Variants in AIMP1 observed in about 807,000 individuals in gnomAD.
AIMP1 encodes aminoacyl tRNA synthase complex-interacting multifunctional protein 1.
A neutral mutation model predicts 33.1 loss-of-function variants in AIMP1; 24 were observed. The observed-to-expected ratio is 0.73, with a 90% CI of 0.53 to 1.02. The LOEUF (loss-of-function observed/expected upper bound fraction) is 1.02, where lower values mean the gene tolerates loss of function less well. Among genes scored for constraint, AIMP1 ranks in the 50% least tolerant of loss-of-function variants. The probability of loss-of-function intolerance (pLI) is 0.00; values close to 1 mark genes in which losing one functional copy is unlikely to be tolerated. For missense variants in AIMP1, 367 were observed against 364.8 expected, an observed-to-expected ratio of 1.01 and a Z score of -0.05; for synonymous variants, 120 against 121.5, an observed-to-expected ratio of 0.99 and a Z score of 0.08.
chr4:106,316,267 G>C, upstream of AIMP1: 1 of 355,796 alleles, frequency 2.8e-6, no homozygotes, highest in Non-Finnish European at 5.2e-6. Flanking sequence ...ACCCAACGCT[G>C]AGGAAAGACC....
intron 1 of AIMP1, among the ~76,000 whole-genome samples, chr4:106,317,926 G>A (rs1051849192): frequency 3.9e-5 from 6 of 152,206 alleles, no homozygotes; most frequent in African/African-American, 1.4e-4. Flanking sequence ...GAGGTAAGAG[G>A]GTCATGGGAG....
In AIMP1 at chr4:106,331,945, G is replaced by A; in HGVS notation, c.603+62G>A. On this transcript the variant is annotated intron_variant, in intron 5 of 6. Transcript: ENST00000672341. ...CAACATTTTCATTCCCTCCTTCTTG[G>A]TATCTTTCCATTATAATTTTGTATA... The A allele has an allele frequency of 2.1e-6, 3 of 1,449,416 alleles. No individual in the cohort carries two copies. The Admixed American group carries it at 5.0e-5, about 24-fold the overall frequency. The allele number at this position is 1,449,416 out of a possible 1,614,324, so 89.8% of individuals were successfully genotyped here.
At chr4:106,331,358 G>A (rs1192692763) in intron 4 of AIMP1, among the ~76,000 whole-genome samples, 1 of 152,152 alleles carries the variant, frequency 6.6e-6, no homozygotes, top group Non-Finnish European at 1.5e-5. Context: ...GTAAATGAAT[G>A]AATATGGTTG....
At chr4:106,331,531 ATTAT>A (rs1769675238) in intron 4 of AIMP1, 137 bp from the exon 5 acceptor site, 8 of 694,186 alleles carry the variant, frequency 1.2e-5, no homozygotes, top group Non-Finnish European at 2.0e-5. Context: ...TTTCTTTGTT[ATTAT>A]TTAAGTGAAG....
Position 106,347,812 on chromosome 4 carries a change from A to T in AIMP1, c.*120A>T. ...TTTGCATTACTCTCTTCTAGACTTGACTAGTCATTTACTTGGTATATATTG... is the reference window on the plus strand; with the variant it reads ...TTTGCATTACTCTCTTCTAGACTTGTCTAGTCATTTACTTGGTATATATTG... On this transcript the variant is annotated 3_prime_UTR_variant, in exon 7 of 7. Transcript: ENST00000672341. 9.5e-7 allele frequency: 1 copy of T among 1,051,342 alleles called. No homozygotes were observed. The highest frequency in any genetic ancestry group is 1.6e-5 in the African/African-American group (1 of 62,266). 65.1% of individuals were successfully genotyped at this position (1,051,342 alleles called of 1,614,324 possible).
chr4:106,316,797 G>A, intron 1 of AIMP1: 1 of 531,298 alleles, frequency 1.9e-6, no homozygotes, highest in Admixed American at 3.2e-5. Flanking sequence ...TGAGAAATGG[G>A]ATGCAGGCCT....
At position 106,349,124 on chromosome 4, in the gene AIMP1, G is replaced by A. The variant is rs1489394181; in HGVS notation, c.*1432G>A. On this transcript the variant is annotated 3_prime_UTR_variant, in exon 7 of 7. Coordinates refer to ENST00000672341, the MANE Select transcript of AIMP1 (RefSeq NM_001142416.2). The stretch of plus-strand genomic sequence containing the variant: ...GATATTCTGAAAATATGAACTGAGC[G>A]TCATTAACAATTGTTGGTACCTAAA... 1.3e-5 allele frequency: 2 copies of A among 152,022 alleles called. No individual in the cohort carries two copies. The highest frequency in any genetic ancestry group is 4.8e-5 in the African/African-American group (2 of 41,404). The allele number at this position is 152,022 out of a possible 1,614,324, so 9.4% of individuals were successfully genotyped here.
intron 6 of AIMP1, among the ~76,000 whole-genome samples, chr4:106,346,195 T>C (rs1210207677): frequency 6.6e-6 from 1 of 152,130 alleles, no homozygotes; most frequent in African/African-American, 2.4e-5. Context: ...TCTCTACTTT[T>C]CTGTCATTAA....
At chr4:106,333,083 T>G (rs1175940188) in intron 5 of AIMP1, among the ~76,000 whole-genome samples, 3 of 150,486 alleles carry the variant, frequency 2.0e-5, no homozygotes, top group Non-Finnish European at 4.4e-5. Flanking sequence ...GATAGCCCCT[T>G]TAGGTGGAAG....
chr4:106,347,852 G>T lies in AIMP1; in HGVS notation c.*160G>T. ...GGTATATATTGTTTTCATTGATTGG[G>T]GAAACACTAGATTTTTACCTCGGTT... On this transcript the variant is annotated 3_prime_UTR_variant, in exon 7 of 7. Transcript: ENST00000672341. The T allele has an allele frequency of 1.5e-6, 1 of 653,836 alleles. No individual in the cohort carries two copies. The allele number at this position is 653,836 out of a possible 1,614,324, so 40.5% of individuals were successfully genotyped here.
intron 4 of AIMP1, among the ~76,000 whole-genome samples, chr4:106,330,952 C>T (rs1454013446): frequency 6.6e-6 from 1 of 152,062 alleles, no homozygotes; most frequent in African/African-American, 2.4e-5. Flanking sequence ...GTTACATTTT[C>T]AGCAAATAAA....
At chr4:106,328,458 G>C (rs1769543141) in intron 4 of AIMP1, among the ~76,000 whole-genome samples, 1 of 152,138 alleles carries the variant, frequency 6.6e-6, no homozygotes, top group African/African-American at 2.4e-5. Context: ...GGCATTTTAG[G>C]CAGAGGGACT....
At chr4:106,331,557 A>G in intron 4 of AIMP1, 115 bp from the exon 5 acceptor site, 1 of 850,384 alleles carries the variant, frequency 1.2e-6, no homozygotes, top group South Asian at 1.5e-5. Flanking sequence ...TAGGAGATAA[A>G]CATTCTTTTT....
At chr4:106,330,866 G>T (rs940417755) in intron 4 of AIMP1, among the ~76,000 whole-genome samples, 1 of 152,038 alleles carries the variant, frequency 6.6e-6, no homozygotes, top group African/African-American at 2.4e-5. Context: ...AAAGCTAATT[G>T]TAAACTTAAA....
chr4:106,317,643 G>A (rs1207625970), intron 1 of AIMP1, among the ~76,000 whole-genome samples: 2 of 152,090 alleles, frequency 1.3e-5, no homozygotes, highest in African/African-American at 4.8e-5. Context: ...TAGATGACAG[G>A]GTTAATTTTA....
At position 106,329,076 on chromosome 4, in the gene AIMP1, A is replaced by G. The variant is rs114400247; in HGVS notation, c.391+833A>G. Among the ~76,000 whole-genome samples the G allele has an allele frequency of 2.7e-3, 404 of 147,544 alleles. 3 individuals carry two copies. The highest frequency in any genetic ancestry group is 9.4e-3 in the African/African-American group (378 of 40,028). On this transcript the variant is annotated intron_variant, in intron 4 of 6. Transcript: ENST00000672341. ...TTTTTTTTTGGAAAATATAACATGC[A>G]GAGGGATTTATGAACTAACCCAAGC...
chr4:106,327,245 A>G (rs984440224), intron 2 of AIMP1, among the ~76,000 whole-genome samples: 1 of 143,804 alleles, frequency 7.0e-6, no homozygotes, highest in Non-Finnish European at 1.6e-5. Flanking sequence ...CTTATTTCAT[A>G]TATTTTCTCC....
intron 6 of AIMP1, among the ~76,000 whole-genome samples, 192 bp from the exon 7 acceptor site, chr4:106,347,334 C>T (rs913366454): frequency 2.6e-4 from 40 of 151,746 alleles, no homozygotes; most frequent in African/African-American, 8.5e-4. Flanking sequence ...GAAACAACAA[C>T]GATTTTATTT....
chr4:106,340,136 G>A (rs1273423565), intron 6 of AIMP1, among the ~76,000 whole-genome samples: 1 of 152,112 alleles, frequency 6.6e-6, no homozygotes, highest in Non-Finnish European at 1.5e-5. Flanking sequence ...TAGAGTAATT[G>A]GGAAAGGCAG....
Sources: gnomAD v4.1 joint callset for allele counts (sites outside exome capture counted in the v4.1 genomes callset) on GRCh38, gnomAD v4.1.1 for gene constraint, MANE v1.5 for transcripts, NCBI Gene and HGNC (gene_info 2026-07-23, HGNC 2026-07-21) for gene names.